The following CNTN4 variants were observed in gnomAD, a reference collection of about 807,000 sequenced individuals.
CNTN4 encodes contactin 4.
Under a neutral mutation model 122.5 loss-of-function variants are expected in CNTN4, and 77 were observed. That is an observed-to-expected ratio of 0.63 (90% CI 0.52 to 0.76). The LOEUF (loss-of-function observed/expected upper bound fraction) is 0.76. Ranked by LOEUF, CNTN4 falls within the 30% of genes least tolerant of loss-of-function variation. The pLI, the probability that CNTN4 is intolerant of heterozygous loss-of-function variation, is 0.00. For synonymous variants in CNTN4, 512 were observed against 447.0 expected (o/e 1.15, Z -1.83); for missense variants, 1,256 against 1,259.1 (o/e 1.00, Z 0.04).
At chr3:2,555,712 T>C in intron 3 of CNTN4, among the ~76,000 whole-genome samples, 1 of 152,174 alleles carries the variant, frequency 6.6e-6, no homozygotes, top group East Asian at 1.9e-4. Context: ...ATAGTACAAC[T>C]CTAATATAGA....
intron 7 of CNTN4, among the ~76,000 whole-genome samples, chr3:2,825,131 A>G (rs1378569338): frequency 1.3e-5 from 2 of 152,148 alleles, no homozygotes; most frequent in African/African-American, 4.8e-5. Context: ...CTATAATTCT[A>G]GCATTTTGTG....
chr3:2,373,405 G>C (rs930801623), intron 3 of CNTN4, among the ~76,000 whole-genome samples: 3 of 152,214 alleles, frequency 2.0e-5, no homozygotes, highest in Non-Finnish European at 4.4e-5. Context: ...CGTGAATCGA[G>C]TACGTACAAC....
chr3:2,708,903 T>C (rs528514069), intron 4 of CNTN4, among the ~76,000 whole-genome samples: 1 of 152,254 alleles, frequency 6.6e-6, no homozygotes, highest in African/African-American at 2.4e-5. Flanking sequence ...TGTAAAATAT[T>C]GTAATAAGAG....
Position 2,605,277 on chromosome 3 carries a change from C to T in CNTN4, c.55+33719C>T, listed in dbSNP as rs189241429. ...GGATTACAGGCGTGAGCCACCATGC[C>T]CAGCTCTCTGCTAAACATTTTGAGA... On this transcript the variant is annotated intron_variant, in intron 4 of 24. Coordinates refer to ENST00000418658, the MANE Select transcript of CNTN4 (RefSeq NM_175607.3). Among the ~76,000 whole-genome samples the T allele has an allele frequency of 1.8e-3, 280 of 152,278 alleles. 1 individual carries two copies. The highest frequency in any genetic ancestry group is 6.5e-3 in the African/African-American group (269 of 41,548).
At position 2,430,396 on chromosome 3, in the gene CNTN4, T is replaced by TGGGTGACA. The variant is rs530855757; in HGVS notation, c.-89+91165_-89+91172dup. Among the ~76,000 whole-genome samples, 52 of 138,604 alleles carry TGGGTGACA rather than the reference T, an allele frequency of 3.8e-4. 1 individual carries two copies. In the East Asian group the frequency reaches 0.01, roughly 27 times the overall value. The allele number at this position is 138,604 out of a possible 152,430, so 90.9% of individuals were successfully genotyped here. On this transcript the variant is annotated intron_variant, in intron 3 of 24. Transcript: ENST00000418658. ...AAGATTGGGCCACTGCACTCCAGCC[T>TGGGTGACA]GGGTGACAGAGCAAGACTCTTGTCT...
At chr3:2,545,662 T>C (rs1321071081) in intron 3 of CNTN4, among the ~76,000 whole-genome samples, 5 of 151,972 alleles carry the variant, frequency 3.3e-5, no homozygotes, top group African/African-American at 9.7e-5. Flanking sequence ...ATAAAGTCTG[T>C]TTTGTCTGAA....
At chr3:2,900,935 C>T in intron 11 of CNTN4, 114 bp downstream of exon 11, 1 of 1,335,306 alleles carries the variant, frequency 7.5e-7, no homozygotes, top group Non-Finnish European at 1.1e-6. Context: ...TGCAATGAAA[C>T]AGCATTATGG....
At chr3:2,957,786 C>T (rs867417726) in intron 13 of CNTN4, among the ~76,000 whole-genome samples, 7 of 152,048 alleles carry the variant, frequency 4.6e-5, no homozygotes, top group African/African-American at 7.2e-5. Flanking sequence ...TTTTATATGC[C>T]GCATAGTATT....
chr3:2,862,797 A>G (rs751280245), intron 7 of CNTN4, among the ~76,000 whole-genome samples: 1 of 152,174 alleles, frequency 6.6e-6, no homozygotes, highest in Non-Finnish European at 1.5e-5. Flanking sequence ...CAGAATGTTG[A>G]TAGTGCTTCA....
intron 2 of CNTN4, among the ~76,000 whole-genome samples, chr3:2,211,210 G>A (rs150336955): frequency 6.6e-5 from 10 of 151,936 alleles, no homozygotes; most frequent in Admixed American, 2.0e-4. Context: ...GGGGTTGGGC[G>A]CCACACACTT....
chr3:2,706,107 A>T (rs1206127280), intron 4 of CNTN4, among the ~76,000 whole-genome samples: 1 of 150,260 alleles, frequency 6.7e-6, no homozygotes, highest in East Asian at 1.9e-4. Context: ...TTTGGTAGAG[A>T]TTAGACATCT....
chr3:2,639,736 G>A (rs1481742615), intron 4 of CNTN4, among the ~76,000 whole-genome samples: 1 of 152,134 alleles, frequency 6.6e-6, no homozygotes. Context: ...GTTTTGTTTA[G>A]TTGGGGTTTT....
At chr3:2,307,104 T>C (rs1400409332) in intron 2 of CNTN4, among the ~76,000 whole-genome samples, 1 of 152,166 alleles carries the variant, frequency 6.6e-6, no homozygotes, top group Non-Finnish European at 1.5e-5. Flanking sequence ...ATTTTATTTT[T>C]CCTAATTGTC....
At chr3:2,298,253 T>A (rs763568720) in intron 2 of CNTN4, among the ~76,000 whole-genome samples, 5 of 152,216 alleles carry the variant, frequency 3.3e-5, no homozygotes, top group Non-Finnish European at 7.3e-5. Context: ...GTTCTTGTCG[T>A]CTTGTCAGTC....
rs1453398946 is a variant in CNTN4, at chr3:2,153,617, C to T, written c.-145+52978C>T. Among the ~76,000 whole-genome samples, 4 of 152,148 alleles carry T rather than the reference C, an allele frequency of 2.6e-5. No homozygotes were observed. The East Asian group carries it at 7.7e-4, about 29-fold the overall frequency. On this transcript the variant is annotated intron_variant, in intron 2 of 24. Coordinates refer to ENST00000418658, the MANE Select transcript of CNTN4 (RefSeq NM_175607.3). ...AAATGAAATGAAACAATGGCCTCCT[C>T]ACAAAAGGAGCGCGAAACCATGGTA... is the stretch of plus-strand genomic sequence containing the variant.
At chr3:2,760,481 A>G (rs2090539608) in intron 6 of CNTN4, among the ~76,000 whole-genome samples, 1 of 152,170 alleles carries the variant, frequency 6.6e-6, no homozygotes, top group Non-Finnish European at 1.5e-5. Context: ...CTTTTGCCGA[A>G]AATCAGTTGA....
chr3:2,844,929 G>A (rs1325696119), intron 7 of CNTN4, among the ~76,000 whole-genome samples: 1 of 152,148 alleles, frequency 6.6e-6, no homozygotes, highest in African/African-American at 2.4e-5. Flanking sequence ...GCTACGCTCA[G>A]GTGAATTTGG....
chr3:2,737,333 G>A (rs1245710186), intron 5 of CNTN4, among the ~76,000 whole-genome samples: 2 of 151,124 alleles, frequency 1.3e-5, no homozygotes, highest in South Asian at 2.1e-4. Context: ...TGCCCGCCTC[G>A]GCCTCCCAAA....
intron 4 of CNTN4, among the ~76,000 whole-genome samples, chr3:2,710,506 C>T (rs550044668): frequency 6.6e-6 from 1 of 152,204 alleles, no homozygotes; most frequent in Non-Finnish European, 1.5e-5. Flanking sequence ...TGTTTTCCTG[C>T]ATTGACTAAG....
Sources: allele counts gnomAD v4.1 joint callset (sites outside exome capture counted in the v4.1 genomes callset), GRCh38; gene constraint gnomAD v4.1.1; transcripts MANE v1.5; gene names NCBI Gene and HGNC (gene_info 2026-07-23, HGNC 2026-07-21).